The following PAPOLG variants were observed in gnomAD, a reference collection of about 807,000 sequenced individuals.
PAPOLG encodes the protein poly(A) polymerase gamma.
In PAPOLG, 40 loss-of-function variants were observed where a neutral mutation model predicts 99.0. The observed-to-expected ratio is 0.40, with a 90% CI of 0.31 to 0.53. PAPOLG has a LOEUF of 0.53. PAPOLG is among the 20% of genes least tolerant of loss of function. The probability of loss-of-function intolerance (pLI) is 0.41; values close to 1 mark genes in which losing one functional copy is unlikely to be tolerated. For missense variants in PAPOLG, 675 were observed against 884.1 expected (o/e 0.76, Z 3.00); for synonymous variants, 310 against 299.3 (o/e 1.04, Z -0.37).
chr2:60,768,922 T>A (rs1670765221), intron 5 of PAPOLG, 32 bp downstream of exon 5: 1 of 1,459,550 alleles, frequency 6.9e-7, no homozygotes, highest in Non-Finnish European at 9.3e-7. Context: ...ATATTTTGAA[T>A]TTAGATTAGT....
chr2:60,774,382 T>C lies in PAPOLG; in HGVS notation c.605-652T>C, dbSNP rs532678931. Among the ~76,000 whole-genome samples, 293 of 151,558 alleles carry C rather than the reference T, an allele frequency of 1.9e-3. 1 individual carries two copies. Among genetic ancestry groups the C allele is most frequent in the Non-Finnish European group, 2.9e-3 (197 of 67,844 alleles). On this transcript the variant is annotated intron_variant, in intron 7 of 21. Coordinates refer to ENST00000238714, the MANE Select transcript of PAPOLG (RefSeq NM_022894.4). ...AGAACTAATGTCTTTTTTTTTTTTT[T>C]TGAGACAGAGTCTCACTCTATTGCC...
chr2:60,782,524 T>A, intron 11 of PAPOLG, 162 bp from the exon 12 acceptor site: 2 of 881,702 alleles, frequency 2.3e-6, no homozygotes, highest in Non-Finnish European at 2.7e-6. Flanking sequence ...TCCACCACAC[T>A]CCAGCCTGGG....
At chr2:60,782,132 A>G (rs1671207888) in intron 11 of PAPOLG, 127 bp downstream of exon 11, 3 of 1,037,072 alleles carry the variant, frequency 2.9e-6, no homozygotes, top group Non-Finnish European at 4.2e-6. Context: ...TCTTTCAAGT[A>G]TGGTTATTTT....
rs1273900509 is a variant in PAPOLG, at chr2:60,797,326, A to G, written c.*166A>G. On this transcript the variant is annotated 3_prime_UTR_variant, in exon 22 of 22. Coordinates refer to ENST00000238714, the MANE Select transcript of PAPOLG (RefSeq NM_022894.4). ...TTTGAACTGTCAAACTTTGACCTGT[A>G]GATGCTGTAGCATTCTCTCACTGAT... The G allele has an allele frequency of 1.3e-5, 10 of 751,900 alleles. No homozygotes were observed. The highest frequency in any genetic ancestry group is 2.1e-6 in the Non-Finnish European group (1 of 466,204). The allele number at this position is 751,900 out of a possible 1,614,324, so 46.6% of individuals were successfully genotyped here.
chr2:60,801,181 C>G lies in PAPOLG; in HGVS notation c.*4021C>G, dbSNP rs1234078212. Reference sequence around the variant, plus strand: ...TTGAGTTCTGTAGCATGAAAACTCTCTTGCTCCTCCATGTTTGTAGTTCAG... The same window carrying G: ...TTGAGTTCTGTAGCATGAAAACTCTGTTGCTCCTCCATGTTTGTAGTTCAG... On this transcript the variant is annotated 3_prime_UTR_variant, in exon 22 of 22. Coordinates refer to ENST00000238714, the MANE Select transcript of PAPOLG (RefSeq NM_022894.4). 1 of 152,168 alleles carries G rather than the reference C, an allele frequency of 6.6e-6. No individual in the cohort carries two copies. Among genetic ancestry groups the G allele is most frequent in the Non-Finnish European group, 1.5e-5 (1 of 68,028 alleles). 9.4% of individuals were successfully genotyped at this position (152,168 alleles called of 1,614,324 possible). A position where few individuals can be genotyped will look rare whatever the true frequency, so the allele number is the denominator to read the frequency against.
chr2:60,767,850 T>C lies in PAPOLG; in HGVS notation c.247-620T>C, dbSNP rs538280597. Among the ~76,000 whole-genome samples the C allele has an allele frequency of 3.9e-5, 6 of 152,312 alleles. No individual in the cohort carries two copies. In the South Asian group the frequency reaches 1.0e-3, roughly 26 times the overall value. On this transcript the variant is annotated intron_variant, in intron 3 of 21. Coordinates refer to ENST00000238714, the MANE Select transcript of PAPOLG (RefSeq NM_022894.4). ...TCCTTGTTGACTACCGAAAGAGTGA[T>C]GAAGCGAAAGACAGGCAGTTGGAGG...
At chr2:60,762,366 A>G (rs1267228856) in intron 3 of PAPOLG, among the ~76,000 whole-genome samples, 1 of 152,006 alleles carries the variant, frequency 6.6e-6, no homozygotes. Context: ...TTTTCCTGAA[A>G]TTGATTACAA....
At chr2:60,772,076 G>A (rs549705154) in intron 7 of PAPOLG, among the ~76,000 whole-genome samples, 6 of 151,068 alleles carry the variant, frequency 4.0e-5, no homozygotes, top group Non-Finnish European at 7.4e-5. Flanking sequence ...TTTAATATTA[G>A]GCCTGATAGA....
chr2:60,758,508 A>G (rs1670423977), intron 1 of PAPOLG, among the ~76,000 whole-genome samples: 1 of 148,586 alleles, frequency 6.7e-6, no homozygotes, highest in African/African-American at 2.5e-5. Flanking sequence ...GTTCACTGCA[A>G]CCTTCGTCTC....
At position 60,760,289 on chromosome 2, in the gene PAPOLG, A is replaced by G. The variant is rs773518700; in HGVS notation, c.173A>G (p.Asn58Ser). ...GTGTTTGAAGATGAGGAAGAATTGAACCACAGGTATGTCATTGAAAACCAT... is the reference window on the plus strand; with the variant it reads ...GTGTTTGAAGATGAGGAAGAATTGAGCCACAGGTATGTCATTGAAAACCAT... The part of the protein sequence containing the change: ...FGVFEDEEEL[N>S]HRLVVLGKLN... Residue 58 changes from asparagine to serine, a missense_variant, in exon 2 of 22, where the codon AAC (asparagine) becomes AGC (serine). This residue lies in a region of PAPOLG where 149 missense variants were observed against 192.1 expected (regional missense o/e 0.78). Transcript: ENST00000238714. 3 of 1,611,160 alleles carry G rather than the reference A, an allele frequency of 1.9e-6. No individual in the cohort carries two copies. The highest frequency in any genetic ancestry group is 2.5e-6 in the Non-Finnish European group (3 of 1,178,006).
In PAPOLG at chr2:60,779,818, C is replaced by T. The variant is rs766817409; in HGVS notation, c.833+43C>T. 21 of 1,518,150 alleles carry T rather than the reference C, an allele frequency of 1.4e-5. No individual in the cohort carries two copies. In the South Asian group the frequency reaches 2.4e-4, roughly 17 times the overall value. 94.0% of individuals were successfully genotyped at this position (1,518,150 alleles called of 1,614,324 possible). On this transcript the variant is annotated intron_variant, in intron 9 of 21. Coordinates refer to ENST00000238714, the MANE Select transcript of PAPOLG (RefSeq NM_022894.4). ...TACTTTGACTGTTTACTAATCTCTA[C>T]CTATGCGTAAGTTTGTTTGGAAATT...
intron 1 of PAPOLG, among the ~76,000 whole-genome samples, chr2:60,758,414 C>T (rs1416778333): frequency 1.5e-5 from 2 of 132,624 alleles, no homozygotes; most frequent in Non-Finnish European, 3.1e-5. Flanking sequence ...CCCTCTCTGC[C>T]TAATGAGATT....
At position 60,779,748 on chromosome 2, in the gene PAPOLG, A is replaced by G. The variant is rs754129769; in HGVS notation, c.806A>G (p.His269Arg). 6.2e-7 allele frequency: 1 copy of G among 1,613,910 alleles called. No homozygotes were observed. The highest frequency in any genetic ancestry group is 1.1e-5 in the South Asian group (1 of 91,044). ...AATGCAGCAGCATCTACTTTAGTTC[A>G]TAAGTTCTTTTTAGTTTTTTCCAAG... is the stretch of plus-strand genomic sequence containing the variant. ...YPNAAASTLVHKFFLVFSKWE... is the reference protein window; with the variant it reads ...YPNAAASTLVRKFFLVFSKWE... Residue 269 changes from histidine to arginine, a missense_variant, in exon 9 of 22, where the codon CAT becomes CGT. By Grantham distance (29) the His-to-Arg change is conservative (BLOSUM62 0). Coordinates refer to ENST00000238714, the MANE Select transcript of PAPOLG (RefSeq NM_022894.4).
chr2:60,795,240 CTT>C (rs1199137397), intron 21 of PAPOLG: 1 of 646,958 alleles, frequency 1.5e-6, no homozygotes, highest in Non-Finnish European at 2.8e-6. Context: ...TTTAAGACAA[CTT>C]TATTATCTAT....
chr2:60,761,788 C>G lies in PAPOLG; in HGVS notation c.227C>G (p.Ser76Cys). The change falls in exon 3 of 22, where the codon TCT becomes TGT. Residue 76 changes from serine (S) to cysteine (C), a missense_variant. Around this residue, in one of 3 missense-constraint regions of PAPOLG, gnomAD observed 149 missense variants for 192.1 expected, o/e 0.78. Coordinates refer to ENST00000238714, the MANE Select transcript of PAPOLG (RefSeq NM_022894.4). ...KLNNLVKEWI[S>C]DVSESKNLPP... The stretch of plus-strand genomic sequence containing the variant: ...AACAATTTAGTAAAAGAATGGATTT[C>G]TGATGTCAGCGAGAGTAAGGTAAGA... 6.3e-7 allele frequency: 1 copy of G among 1,599,746 alleles called. No individual in the cohort carries two copies. The highest frequency in any genetic ancestry group is 8.6e-7 in the Non-Finnish European group (1 of 1,167,434).
At chr2:60,773,440 T>A (rs1034077647) in intron 7 of PAPOLG, among the ~76,000 whole-genome samples, 1 of 152,180 alleles carries the variant, frequency 6.6e-6, no homozygotes, top group African/African-American at 2.4e-5. Context: ...ATTTGGCATG[T>A]TTGTGAGGTT....
chr2:60,795,413 T>G (rs925496826), intron 21 of PAPOLG: 43 of 388,240 alleles, frequency 1.1e-4, no homozygotes, highest in Non-Finnish European at 2.5e-5. Context: ...ATTAATATTT[T>G]AGAGGAACCA....
intron 5 of PAPOLG, among the ~76,000 whole-genome samples, chr2:60,769,748 TTTTG>T (rs976622284): frequency 5.9e-5 from 9 of 152,144 alleles, no homozygotes; most frequent in African/African-American, 1.7e-4. Context: ...GTTTTTGTTT[TTTTG>T]TTTGTTTTTT....
chr2:60,779,898 A>G (rs965443028), intron 9 of PAPOLG, 123 bp downstream of exon 9: 1 of 850,118 alleles, frequency 1.2e-6, no homozygotes, highest in Non-Finnish European at 1.7e-6. Context: ...TAAAGTTGAA[A>G]GTATAAAACA....
Sources: allele counts gnomAD v4.1 joint callset (sites outside exome capture counted in the v4.1 genomes callset), GRCh38; gene constraint gnomAD v4.1.1; regional missense constraint gnomAD v4.1.1; transcripts MANE v1.5; gene names NCBI Gene and HGNC (gene_info 2026-07-23, HGNC 2026-07-21).